Variants in SORBS2 observed in about 807,000 individuals in gnomAD.
SORBS2 encodes the protein sorbin and SH3 domain containing 2, also known as sorbin and SH3 domain-containing protein 2.
SORBS2 carries 46 observed loss-of-function variants against 97.7 expected under a neutral mutation model. The ratio of observed to expected loss-of-function variants is 0.47; its 90% CI spans 0.37 to 0.60. The LOEUF is 0.60. Ranked by LOEUF, SORBS2 falls within the 20% of genes least tolerant of loss-of-function variation. SORBS2 has a pLI of 0.00. For synonymous variants in SORBS2, 476 were observed against 473.4 expected (o/e 1.01, Z -0.07); for missense variants, 1,316 against 1,282.3 (o/e 1.03, Z -0.40).
chr4:185,782,805 G>A (rs60131767), intron 1 of SORBS2, among the ~76,000 whole-genome samples: 61,503 of 152,080 alleles, frequency 0.4, 13,043 homozygotes, highest in Middle Eastern at 0.48. Flanking sequence ...GTCATACACT[G>A]TAGAGCAGGG....
intron 1 of SORBS2, among the ~76,000 whole-genome samples, chr4:185,779,289 C>T (rs1415486287): frequency 2.6e-5 from 4 of 152,152 alleles, no homozygotes; most frequent in Admixed American, 6.5e-5. Context: ...CCCCATACCT[C>T]GGTTTCCTCC....
chr4:185,945,975 G>A (rs2099274310), intron 1 of SORBS2, among the ~76,000 whole-genome samples: 1 of 152,218 alleles, frequency 6.6e-6, no homozygotes, highest in South Asian at 2.1e-4. Context: ...GAGCTCGCAT[G>A]TTGACAGATG....
intron 2 of SORBS2, among the ~76,000 whole-genome samples, chr4:185,709,165 T>A (rs1286999331): frequency 1.3e-5 from 2 of 152,178 alleles, no homozygotes; most frequent in Non-Finnish European, 2.9e-5. Flanking sequence ...ATTACAGGCA[T>A]GCACCACCAC....
intron 1 of SORBS2, among the ~76,000 whole-genome samples, chr4:185,925,025 A>T (rs2099262931): frequency 6.6e-6 from 1 of 152,202 alleles, no homozygotes; most frequent in Non-Finnish European, 1.5e-5. Flanking sequence ...GCATTAAAAC[A>T]ATGGCCATAT....
intron 1 of SORBS2, among the ~76,000 whole-genome samples, chr4:185,909,566 A>G (rs1161655500): frequency 7.1e-6 from 1 of 140,920 alleles, no homozygotes; most frequent in Non-Finnish European, 1.6e-5. Flanking sequence ...AAGGGTAAAA[A>G]AAAGAAAAAA....
At chr4:185,656,734 C>T (rs932199511) in exon 1 of SORBS2, 21 of 1,541,832 alleles carry the variant, frequency 1.4e-5, no homozygotes, top group Non-Finnish European at 1.7e-5. Flanking sequence ...CAGAAGCTGC[C>T]TCTGCTACTG....
chr4:185,623,853 A>G lies in SORBS2; in HGVS notation c.1276T>C (p.Ser426Pro), dbSNP rs780207492. Reference sequence around the variant, plus strand: ...ATGTCATCCCCTAAATTTGGCATGGATTTGGACTTCTGGATCAGCTTTTCG... The same window carrying G: ...ATGTCATCCCCTAAATTTGGCATGGGTTTGGACTTCTGGATCAGCTTTTCG... The change falls in exon 7 of 15, where the codon TCC becomes CCC. Residue 426 changes from serine (S) to proline (P), a missense_variant. Transcript: ENST00000418609. The surrounding 1 kb of genome is among the most constrained non-coding windows in gnomAD (Gnocchi z 6.4). The G allele has an allele frequency of 1.2e-6, 2 of 1,614,064 alleles. No homozygotes were observed. The highest frequency in any genetic ancestry group is 1.3e-5 in the African/African-American group (1 of 74,994).
chr4:185,949,900 CAAG>C (rs572225615), intron 1 of SORBS2, among the ~76,000 whole-genome samples: 131 of 152,182 alleles, frequency 8.6e-4, no homozygotes, highest in African/African-American at 3.0e-3. Flanking sequence ...AACTGGATGC[CAAG>C]AAGAGGGGAA....
intron 2 of SORBS2, among the ~76,000 whole-genome samples, chr4:185,735,303 TGC>T (rs2098676293): frequency 6.6e-6 from 1 of 151,864 alleles, no homozygotes; most frequent in African/African-American, 2.4e-5. Context: ...GATACGTCAG[TGC>T]TCTAACAGCA....
chr4:185,881,541 T>A lies in SORBS2; in HGVS notation c.-338+74655A>T, dbSNP rs188832305. 9.8e-5 allele frequency among the ~76,000 whole-genome samples: 15 copies of A among 152,314 alleles called. No homozygotes were observed. In the East Asian group the frequency reaches 2.9e-3, roughly 29 times the overall value. On this transcript the variant is annotated intron_variant, in intron 1 of 20. Coordinates refer to the SORBS2 transcript ENST00000284776. ...AGGCATCTACAAGTGGTGAAAAATT[T>A]AGGCTAACCATAAATCTCTAGAGAA...
At chr4:185,865,276 C>A (rs2099226224) in intron 1 of SORBS2, among the ~76,000 whole-genome samples, 1 of 152,152 alleles carries the variant, frequency 6.6e-6, no homozygotes, top group South Asian at 2.1e-4. Context: ...CGCACCGCGG[C>A]CCCCTGCACA....
chr4:185,888,945 A>C (rs2099241074), intron 1 of SORBS2, among the ~76,000 whole-genome samples: 1 of 152,202 alleles, frequency 6.6e-6, no homozygotes, highest in Non-Finnish European at 1.5e-5. Flanking sequence ...TCGCCTTCCA[A>C]ATTGCCAGTG....
upstream of SORBS2, among the ~76,000 whole-genome samples, chr4:185,659,763 T>C (rs1007678115): frequency 2.0e-5 from 3 of 152,224 alleles, no homozygotes; most frequent in South Asian, 4.1e-4. Context: ...TTGACACTAA[T>C]TGACTTTCTA....
intron 4 of SORBS2, among the ~76,000 whole-genome samples, chr4:185,669,564 A>G (rs2097676602): frequency 6.6e-6 from 1 of 152,170 alleles, no homozygotes; most frequent in African/African-American, 2.4e-5. Context: ...GCCAGGCCTC[A>G]GGAGAGGAGG....
chr4:185,811,244 A>G (rs1373500381), intron 1 of SORBS2: 4 of 152,208 alleles, frequency 2.6e-5, no homozygotes, highest in Non-Finnish European at 5.9e-5. Context: ...AGTTAAATAA[A>G]TCATTTACGA....
chr4:185,697,475 C>A (rs548674273), intron 2 of SORBS2, among the ~76,000 whole-genome samples: 7 of 152,180 alleles, frequency 4.6e-5, no homozygotes, highest in Non-Finnish European at 8.8e-5. Context: ...TTTTCCCCCC[C>A]ACACATTGCC....
intron 1 of SORBS2, among the ~76,000 whole-genome samples, chr4:185,776,488 T>A (rs768656262): frequency 2.6e-5 from 4 of 152,178 alleles, no homozygotes; most frequent in Non-Finnish European, 4.4e-5. Flanking sequence ...TTCATTCCAA[T>A]AGATGAAATC....
At chr4:185,604,972 T>C (rs1335658910) in intron 12 of SORBS2, among the ~76,000 whole-genome samples, 2 of 152,192 alleles carry the variant, frequency 1.3e-5, no homozygotes, top group Non-Finnish European at 2.9e-5. Context: ...TAGGGTACTG[T>C]CTGTGTCAGC....
intron 6 of SORBS2, among the ~76,000 whole-genome samples, chr4:185,625,689 T>A (rs1231462207): frequency 6.6e-6 from 1 of 152,226 alleles, no homozygotes; most frequent in African/African-American, 2.4e-5. Context: ...TGATAAGGCA[T>A]CTCTGCTCCT....
Sources: allele counts gnomAD v4.1 joint callset (sites outside exome capture counted in the v4.1 genomes callset), GRCh38; gene constraint gnomAD v4.1.1; non-coding constraint Gnocchi (gnomAD v3.1); transcripts MANE v1.5; gene names NCBI Gene and HGNC (gene_info 2026-07-23, HGNC 2026-07-21).